Variants in PRC1 observed in about 807,000 individuals in gnomAD.
PRC1 encodes the protein protein regulator of cytokinesis 1, also known as anaphase spindle elongation 1 homolog.
In PRC1, 54 loss-of-function variants were observed where a neutral mutation model predicts 91.2. The ratio of observed to expected loss-of-function variants is 0.59; its 90% CI spans 0.48 to 0.74. PRC1 has a LOEUF of 0.74. Ranked by LOEUF, PRC1 falls within the 30% of genes least tolerant of loss-of-function variation. PRC1 has a pLI of 0.00. For missense variants in PRC1, 727 were observed against 746.2 expected (o/e 0.97, Z 0.30); for synonymous variants, 275 against 263.6 (o/e 1.04, Z -0.42).
chr15:90,974,814 T>A lies in PRC1; in HGVS notation c.1204-83A>T, dbSNP rs1217611902. ...TGAAATGATTTCCCTAGAGAGTGACTCCTCCTCCCCAGAGCATCATTAGCC... is the reference window on the plus strand; with the variant it reads ...TGAAATGATTTCCCTAGAGAGTGACACCTCCTCCCCAGAGCATCATTAGCC... On this transcript the variant is annotated intron_variant, in intron 9 of 14. Transcript: ENST00000394249. The surrounding 1 kb of genome is among the most constrained non-coding windows in gnomAD (Gnocchi z 4.6). The A allele has an allele frequency of 1.3e-6, 2 of 1,503,084 alleles. No homozygotes were observed. Among genetic ancestry groups the A allele is most frequent in the African/African-American group, 2.7e-5 (2 of 72,738 alleles). 93.1% of individuals were successfully genotyped at this position (1,503,084 alleles called of 1,614,324 possible). A position where few individuals can be genotyped will look rare whatever the true frequency, so the allele number is the denominator to read the frequency against.
At chr15:90,994,126 G>T (rs2040150401) in intron 1 of PRC1, among the ~76,000 whole-genome samples, 1 of 151,800 alleles carries the variant, frequency 6.6e-6, no homozygotes, top group South Asian at 2.1e-4. Context: ...CGACTACCCT[G>T]CCGCGTCCGG....
At position 90,973,954 on chromosome 15, in the gene PRC1, C is replaced by A. The variant is rs1215528606; in HGVS notation, c.1461+182G>T. 5.2e-6 allele frequency: 3 copies of A among 572,518 alleles called. No homozygotes were observed. The African/African-American group carries it at 5.7e-5, about 11-fold the overall frequency. 35.5% of individuals were successfully genotyped at this position (572,518 alleles called of 1,614,324 possible). A position where few individuals can be genotyped will look rare whatever the true frequency, so the allele number is the denominator to read the frequency against. On this transcript the variant is annotated intron_variant, in intron 11 of 14. Coordinates refer to ENST00000394249, the MANE Select transcript of PRC1 (RefSeq NM_003981.4). ...GTGCAGGTCCTCTGTATGCTGAGTG[C>A]TGGTCCCCTGGGCCCACTGTTCTTT...
intron 8 of PRC1, among the ~76,000 whole-genome samples, chr15:90,978,247 G>A (rs1322004459): frequency 6.6e-6 from 1 of 152,200 alleles, no homozygotes; most frequent in East Asian, 1.9e-4. Flanking sequence ...AGTTGGAATG[G>A]TAGAGAATGT....
In PRC1 at chr15:90,984,297, C is replaced by T. The variant is rs776671452; in HGVS notation, c.145-157G>A. Among the ~76,000 whole-genome samples, 4 of 152,028 alleles carry T rather than the reference C, an allele frequency of 2.6e-5. No homozygotes were observed. In the East Asian group the frequency reaches 5.8e-4, roughly 22 times the overall value. On this transcript the variant is annotated intron_variant, in intron 2 of 14. Transcript: ENST00000394249. The surrounding 1 kb of genome is among the most constrained non-coding windows in gnomAD (Gnocchi z 5.1). The stretch of plus-strand genomic sequence containing the variant: ...AGGCTGGAGTGCAATGGCGTGCTTT[C>T]GGCTCACTGCAACCTCTACCTTCCG...
intron 7 of PRC1, 119 bp from the exon 8 acceptor site, chr15:90,979,413 G>A: frequency 8.5e-7 from 1 of 1,175,832 alleles, no homozygotes; most frequent in South Asian, 1.5e-5. Context: ...ACTGATACAG[G>A]AAGAGGCGTG....
At chr15:90,988,666 A>G (rs1222338472) in intron 1 of PRC1, 4 of 152,252 alleles carry the variant, frequency 2.6e-5, no homozygotes, top group South Asian at 2.1e-4. Context: ...AGTTCCGTCT[A>G]TATGCCACCA....
Position 90,966,081 on chromosome 15 carries a change from AATAATTGT to A in PRC1, c.*1042_*1049del, listed in dbSNP as rs919671991. The A allele has an allele frequency of 6.6e-6, 1 of 152,304 alleles. No individual in the cohort carries two copies. The highest frequency in any genetic ancestry group is 2.4e-5 in the African/African-American group (1 of 41,464). 9.4% of individuals were successfully genotyped at this position (152,304 alleles called of 1,614,324 possible). ...ATACAGATTTTAATTTATTTTTAAG[AATAATTGT>A]ATATTTTAAAAACAGGACACGTACT... is the stretch of plus-strand genomic sequence containing the variant. On this transcript the variant is annotated 3_prime_UTR_variant, in exon 15 of 15. Transcript: ENST00000394249.
intron 1 of PRC1, among the ~76,000 whole-genome samples, chr15:90,993,070 CAAAAAAAAAAAAAAAA>C (rs67427806): frequency 8.4e-4 from 26 of 30,948 alleles, no homozygotes; most frequent in African/African-American, 2.3e-3. Context: ...GACCCCGTCT[CAAAAAAAAAAAAAAAA>C]AAAAAAAAAA....
At chr15:90,969,928 T>A (rs1056553183) in intron 12 of PRC1, among the ~76,000 whole-genome samples, 1 of 151,830 alleles carries the variant, frequency 6.6e-6, no homozygotes, top group African/African-American at 2.4e-5. Flanking sequence ...AGAAAAAAAT[T>A]TTTTTTAAAT....
chr15:90,981,103 CAAAGA>C, intron 5 of PRC1, 70 bp from the exon 6 acceptor site: 1 of 1,581,590 alleles, frequency 6.3e-7, no homozygotes. Context: ...TAGCCTCCCG[CAAAGA>C]AATGTCTGGA....
intron 5 of PRC1, 57 bp from the exon 6 acceptor site, chr15:90,981,090 C>G (rs537835733): frequency 3.8e-6 from 6 of 1,594,524 alleles, no homozygotes. Context: ...GAGGCTAGCC[C>G]TCTAGCCTCC....
chr15:90,981,180 G>C, intron 5 of PRC1, 147 bp from the exon 6 acceptor site: 1 of 1,060,334 alleles, frequency 9.4e-7, no homozygotes, highest in East Asian at 2.4e-5. Flanking sequence ...TCCTAAACAC[G>C]AGCTGTAAGG....
chr15:90,970,249 T>C (rs891478319), intron 12 of PRC1, among the ~76,000 whole-genome samples, 155 bp downstream of exon 12: 1 of 152,146 alleles, frequency 6.6e-6, no homozygotes, highest in Non-Finnish European at 1.5e-5. Flanking sequence ...TTTGGACCAT[T>C]ATTTAATGGT....
intron 3 of PRC1, among the ~76,000 whole-genome samples, chr15:90,982,352 CAAAT>C (rs1399840971): frequency 2.6e-5 from 4 of 152,300 alleles, no homozygotes; most frequent in Middle Eastern, 3.4e-3. Flanking sequence ...CATACTCAAA[CAAAT>C]AAGTCCCCAT....
chr15:90,980,940 C>A lies in PRC1; in HGVS notation c.766G>T (p.Glu256Ter). ...ATAATGGTGGCCACAGCTTCTCTTT[C>A]TTCTTCAGGTATTTGCAACCTGTCC... ...LWDRLQIPEE[E>*]REAVATIMSG... is the part of the protein sequence containing the mutation. Residue 256 changes from glutamate to a stop codon, truncating the protein, a stop_gained, in exon 6 of 15, where the codon GAA becomes TAA. Transcript: ENST00000394249. LOFTEE classifies it high-confidence loss of function. The A allele has an allele frequency of 3.1e-6, 5 of 1,614,192 alleles. No individual in the cohort carries two copies. Among genetic ancestry groups the A allele is most frequent in the Non-Finnish European group, 4.2e-6 (5 of 1,180,026 alleles).
chr15:90,968,946 C>T, intron 14 of PRC1, 133 bp downstream of exon 14: 3 of 1,497,590 alleles, frequency 2.0e-6, no homozygotes, highest in Non-Finnish European at 1.8e-6. Flanking sequence ...TTTTTGAGTC[C>T]ATGATAGGAA....
rs2038465734 is a variant in PRC1, at chr15:90,974,356, A to AT, written c.1351-111_1351-110insA. On this transcript the variant is annotated intron_variant, in intron 10 of 14. Transcript: ENST00000394249. The surrounding 1 kb of genome is among the most constrained non-coding windows in gnomAD (Gnocchi z 4.6). The stretch of plus-strand genomic sequence containing the variant: ...GGCCCGTGTCTCTACAGCCAGAGCT[A>AT]AAGAGCTGCCGCGGGCTCCCCGTTC... 8.9e-7 allele frequency: 1 copy of AT among 1,129,584 alleles called. No homozygotes were observed. 70.0% of individuals were successfully genotyped at this position (1,129,584 alleles called of 1,614,324 possible). A position where few individuals can be genotyped will look rare whatever the true frequency, so the allele number is the denominator to read the frequency against.
Position 90,984,822 on chromosome 15 carries a change from C to A in PRC1, c.15G>T (p.Glu5Asp). Residue 5 changes from glutamate to aspartate, a missense_variant, in exon 2 of 15, where the codon GAG becomes GAT. Coordinates refer to ENST00000394249, the MANE Select transcript of PRC1 (RefSeq NM_003981.4). This position sits in a 1 kb window ranked among gnomAD's most constrained non-coding sequence, Gnocchi z 5.1. Reference sequence around the variant, plus strand: ...ATACTATGGACTCCTCCGCCAGCACCTCACTGAAAACCAAAAACTAAGGCC... The same window carrying A: ...ATACTATGGACTCCTCCGCCAGCACATCACTGAAAACCAAAAACTAAGGCC... MRRS[E>D]VLAEESIVCL... is the part of the protein sequence containing the mutation. The A allele has an allele frequency of 6.2e-6, 10 of 1,614,112 alleles. No homozygotes were observed. Among genetic ancestry groups the A allele is most frequent in the Non-Finnish European group, 6.8e-6 (8 of 1,180,006 alleles).
intron 11 of PRC1, among the ~76,000 whole-genome samples, chr15:90,972,069 A>G (rs1213738036): frequency 6.8e-6 from 1 of 146,218 alleles, no homozygotes; most frequent in Non-Finnish European, 1.5e-5. Flanking sequence ...GGCCAGGCAC[A>G]GTGGCTCATG....
Sources: gnomAD v4.1 joint callset for allele counts (sites outside exome capture counted in the v4.1 genomes callset) on GRCh38, gnomAD v4.1.1 for gene constraint, Gnocchi (gnomAD v3.1) non-coding constraint, MANE v1.5 for transcripts, NCBI Gene and HGNC (gene_info 2026-07-23, HGNC 2026-07-21) for gene names.